The following IQUB variants were observed in gnomAD, a reference collection of about 807,000 sequenced individuals.
The protein encoded by IQUB is IQ motif and ubiquitin-like domain-containing protein.
In IQUB, 86 loss-of-function variants were observed where a neutral mutation model predicts 86.4. The observed-to-expected ratio is 1.00, with a 90% CI of 0.84 to 1.19. The LOEUF (loss-of-function observed/expected upper bound fraction) is 1.19. IQUB is among the 50% of genes most tolerant of loss of function. The pLI is 0.00. For missense variants in IQUB, 946 were observed against 916.9 expected, an observed-to-expected ratio of 1.03 and a Z score of -0.41; for synonymous variants, 289 against 304.5, an observed-to-expected ratio of 0.95 and a Z score of 0.53.
intron 1 of IQUB, among the ~76,000 whole-genome samples, chr7:123,531,010 T>C (rs1219768672): frequency 6.6e-6 from 1 of 152,154 alleles, no homozygotes; most frequent in African/African-American, 2.4e-5. Context: ...CTGAGGTAGA[T>C]CTTCTTGTCT....
At chr7:123,508,068 A>T (rs1163587898) in intron 3 of IQUB, among the ~76,000 whole-genome samples, 1 of 152,152 alleles carries the variant, frequency 6.6e-6, no homozygotes, top group Admixed American at 6.5e-5. Context: ...AAATGTAATC[A>T]CAAGTCCCCT....
intron 12 of IQUB, among the ~76,000 whole-genome samples, chr7:123,455,542 G>A (rs773931308): frequency 1.3e-5 from 2 of 152,052 alleles, no homozygotes. Context: ...AAACTATGCA[G>A]AAAGCTTTAA....
intron 1 of IQUB, among the ~76,000 whole-genome samples, chr7:123,533,679 A>C (rs1797642791): frequency 6.6e-6 from 1 of 152,234 alleles, no homozygotes; most frequent in Non-Finnish European, 1.5e-5. Context: ...CACAGTCTTA[A>C]GTGTAAAAGC....
At chr7:123,519,959 G>A (rs1584645643) in intron 1 of IQUB, among the ~76,000 whole-genome samples, 2 of 134,340 alleles carry the variant, frequency 1.5e-5, no homozygotes, top group East Asian at 2.2e-4. Flanking sequence ...CATTGGCCAT[G>A]GCTGAATTCA....
At position 123,508,714 on chromosome 7, in the gene IQUB, C is replaced by T. The variant is rs528316204; in HGVS notation, c.532+1187G>A. Among the ~76,000 whole-genome samples, 4 of 152,312 alleles carry T rather than the reference C, an allele frequency of 2.6e-5. No individual in the cohort carries two copies. In the South Asian group the frequency reaches 8.3e-4, roughly 32 times the overall value. On this transcript the variant is annotated intron_variant, in intron 3 of 12. Transcript: ENST00000324698. ...ACTTCACCTTATAGTTAATGTGCAG[C>T]AGTTTCAAATTCCCTCTGGAGTCAT... is the stretch of plus-strand genomic sequence containing the variant.
At chr7:123,526,809 T>G (rs1390913953) in intron 1 of IQUB, among the ~76,000 whole-genome samples, 1 of 152,220 alleles carries the variant, frequency 6.6e-6, no homozygotes, top group Non-Finnish European at 1.5e-5. Context: ...GTCTTTACAT[T>G]TTGGCGTGAT....
chr7:123,524,302 C>G (rs1330330725), intron 1 of IQUB, among the ~76,000 whole-genome samples: 1 of 142,136 alleles, frequency 7.0e-6, no homozygotes, highest in Non-Finnish European at 1.5e-5. Context: ...GGCAGTATGG[C>G]CATTTTCACG....
At chr7:123,507,886 T>C (rs897346358) in intron 3 of IQUB, among the ~76,000 whole-genome samples, 1 of 145,542 alleles carries the variant, frequency 6.9e-6, no homozygotes, top group East Asian at 2.0e-4. Context: ...AAAAAAAAAA[T>C]TAACATGAAT....
rs567024245 is a variant in IQUB at position 123,510,905 on chromosome 7, A to G, written c.398-870T>C. Among the ~76,000 whole-genome samples, 6 of 152,194 alleles carry G rather than the reference A, an allele frequency of 3.9e-5. No individual in the cohort carries two copies. The South Asian group carries it at 8.3e-4, about 21-fold the overall frequency. The stretch of plus-strand genomic sequence containing the variant: ...TAGTAGTGACTTCTTAAGCTTTGGG[A>G]AGGGGAAATGTGTCAAGGGATTTGT... On this transcript the variant is annotated intron_variant, in intron 2 of 12. Coordinates refer to ENST00000324698, the MANE Select transcript of IQUB (RefSeq NM_178827.5).
At position 123,469,300 on chromosome 7, in the gene IQUB, G is replaced by A. The variant is rs1794416622; in HGVS notation, c.1495C>T (p.Gln499Ter). 1 of 1,610,082 alleles carries A rather than the reference G, an allele frequency of 6.2e-7. No homozygotes were observed. The highest frequency in any genetic ancestry group is 8.5e-7 in the Non-Finnish European group (1 of 1,177,836). The part of the protein sequence containing the change: ...TQFTIRAREL[Q>*]NIYKCIMLKN... ...AGCATAATGCACTTATAGATATTTT[G>A]CAGCTCTCTGGCTCTGATGGTGAAC... Residue 499 changes from glutamine (Q) to a stop codon, truncating the protein, a stop_gained, in exon 9 of 13, where the codon CAA becomes TAA. Coordinates refer to ENST00000324698, the MANE Select transcript of IQUB (RefSeq NM_178827.5). LOFTEE classifies it high-confidence loss of function.
At chr7:123,532,714 G>A (rs1053350375) in intron 1 of IQUB, 4 of 152,140 alleles carry the variant, frequency 2.6e-5, no homozygotes, top group Non-Finnish European at 5.9e-5. Context: ...TGGGCGCTCC[G>A]CCCAAGGGGT....
chr7:123,493,162 G>C (rs1194726247), intron 7 of IQUB, among the ~76,000 whole-genome samples: 1 of 152,074 alleles, frequency 6.6e-6, no homozygotes, highest in Non-Finnish European at 1.5e-5. Context: ...TCAAGGTTCA[G>C]GCAACAATCC....
intron 5 of IQUB, 71 bp from the exon 6 acceptor site, chr7:123,502,823 G>A (rs1796008329): frequency 2.2e-6 from 3 of 1,375,960 alleles, no homozygotes; most frequent in South Asian, 1.4e-5. Context: ...TTCTACATAT[G>A]TGAGTTCATT....
chr7:123,523,650 G>T (rs2117337681), intron 1 of IQUB, among the ~76,000 whole-genome samples: 1 of 151,586 alleles, frequency 6.6e-6, no homozygotes, highest in South Asian at 2.1e-4. Context: ...CCATTTTGTA[G>T]GTTGCCTGTT....
At chr7:123,490,180 A>C in intron 7 of IQUB, among the ~76,000 whole-genome samples, 1 of 152,016 alleles carries the variant, frequency 6.6e-6, no homozygotes, top group Admixed American at 6.5e-5. Context: ...AGACACAAAG[A>C]AGTTAAAAAT....
rs567737144 is a variant in IQUB, at chr7:123,457,371, A to G, written c.2193+10T>C. ...AAATTAACTTCCCAAATAAAATTCA[A>G]CTTTCTTACCTCTTCAATACTTGTT... is the stretch of plus-strand genomic sequence containing the variant. On this transcript the variant is annotated intron_variant, in intron 12 of 12. Transcript: ENST00000324698. 4 of 1,602,318 alleles carry G rather than the reference A, an allele frequency of 2.5e-6. No individual in the cohort carries two copies. Among genetic ancestry groups the G allele is most frequent in the African/African-American group, 2.7e-5 (2 of 74,092 alleles).
intron 1 of IQUB, among the ~76,000 whole-genome samples, chr7:123,534,074 AGGAAG>A (rs1797654207): frequency 6.6e-6 from 1 of 152,152 alleles, no homozygotes; most frequent in African/African-American, 2.4e-5. Flanking sequence ...AAGGGTGGAG[AGGAAG>A]GAGTGAGAGT....
chr7:123,477,970 G>A (rs1489569750), intron 8 of IQUB, among the ~76,000 whole-genome samples: 4 of 152,194 alleles, frequency 2.6e-5, no homozygotes, highest in African/African-American at 9.7e-5. Flanking sequence ...TGGAGAAATA[G>A]GAACGCTTTA....
Position 123,496,751 on chromosome 7 carries a change from C to T in IQUB, c.1179G>A (p.Arg393=). The change falls in exon 7 of 13, where the codon CGG becomes CGA. Residue 393 remains arginine, a synonymous_variant. Transcript: ENST00000324698. The part of the protein sequence containing the change: ...KEEWIKLDYH[R]RHNPKTNEDF... The stretch of plus-strand genomic sequence containing the variant: ...CTTCATTTGTTTTAGGATTATGCCT[C>T]CGGTGATAGTCCAATTTTATCCATT... 1 of 1,610,874 alleles carries T rather than the reference C, an allele frequency of 6.2e-7. No individual in the cohort carries two copies. The highest frequency in any genetic ancestry group is 2.2e-5 in the East Asian group (1 of 44,718).
Sources: gnomAD v4.1 joint callset for allele counts (sites outside exome capture counted in the v4.1 genomes callset) on GRCh38, gnomAD v4.1.1 for gene constraint, MANE v1.5 for transcripts, NCBI Gene and HGNC (gene_info 2026-07-23, HGNC 2026-07-21) for gene names.